DYNLRB1: variants seen among roughly 807,000 people sequenced by gnomAD.
DYNLRB1 encodes the protein ROBL/LC7-like 1.
Under a neutral mutation model 13.5 loss-of-function variants are expected in DYNLRB1, and 6 were observed. The ratio of observed to expected loss-of-function variants is 0.44; its 90% CI spans 0.24 to 0.88. DYNLRB1 has a LOEUF of 0.88. Ranked by LOEUF, DYNLRB1 falls within the 40% of genes least tolerant of loss-of-function variation. DYNLRB1 has a pLI of 0.21. For synonymous variants in DYNLRB1, 43 were observed against 45.0 expected (o/e 0.96, Z 0.18); for missense variants, 93 against 127.2 (o/e 0.73, Z 1.29).
intron 1 of DYNLRB1, among the ~76,000 whole-genome samples, chr20:34,525,865 C>CA (rs1980156731): frequency 6.6e-6 from 1 of 152,202 alleles, no homozygotes; most frequent in Non-Finnish European, 1.5e-5. Context: ...CCACAAATGA[C>CA]AAAGTGTTGT....
At chr20:34,534,591 T>TCCACA in intron 2 of DYNLRB1, 37 bp from the exon 3 acceptor site, 1 of 1,524,714 alleles carries the variant, frequency 6.6e-7, no homozygotes, top group Non-Finnish European at 8.8e-7. Context: ...CAGAAGGGGC[T>TCCACA]CCACATCCTC....
intron 3 of DYNLRB1, among the ~76,000 whole-genome samples, chr20:34,539,813 T>G (rs1419949790): frequency 6.6e-6 from 1 of 151,900 alleles, no homozygotes; most frequent in African/African-American, 2.4e-5. Context: ...AAAAAACTTT[T>G]TAAAAATTTA....
chr20:34,516,196 G>T (rs1368968507), upstream of DYNLRB1, among the ~76,000 whole-genome samples: 1 of 152,240 alleles, frequency 6.6e-6, no homozygotes, highest in East Asian at 1.9e-4. Flanking sequence ...CGTCCAGCCA[G>T]AACCAGCATC....
chr20:34,519,403 G>A (rs1051971833), intron 1 of DYNLRB1, among the ~76,000 whole-genome samples: 2 of 152,128 alleles, frequency 1.3e-5, no homozygotes, highest in African/African-American at 4.8e-5. Flanking sequence ...ATTTGTATAT[G>A]TTAACTTTAC....
chr20:34,519,561 T>C (rs1979545515), intron 1 of DYNLRB1, among the ~76,000 whole-genome samples: 1 of 152,220 alleles, frequency 6.6e-6, no homozygotes, highest in African/African-American at 2.4e-5. Context: ...TATCTTATTC[T>C]GCAACTTGTT....
At chr20:34,532,506 G>T (rs1980787643) in intron 2 of DYNLRB1, among the ~76,000 whole-genome samples, 1 of 152,240 alleles carries the variant, frequency 6.6e-6, no homozygotes, top group Non-Finnish European at 1.5e-5. Context: ...GTTTTCTTAG[G>T]CCCCCAGGAA....
intron 3 of DYNLRB1, among the ~76,000 whole-genome samples, chr20:34,537,220 C>T (rs1981218482): frequency 6.6e-6 from 1 of 152,208 alleles, no homozygotes; most frequent in African/African-American, 2.4e-5. Flanking sequence ...CTGTCTCTCT[C>T]CCACACACAT....
intron 1 of DYNLRB1, 158 bp downstream of exon 1, chr20:34,516,619 C>G: frequency 2.0e-6 from 3 of 1,499,308 alleles, no homozygotes; most frequent in Non-Finnish European, 2.7e-6. Flanking sequence ...AGGGTGGAAC[C>G]CGGCGGCGGA....
Position 34,517,327 on chromosome 20 carries a change from T to A in DYNLRB1, c.3+866T>A, listed in dbSNP as rs906804535. On this transcript the variant is annotated intron_variant, in intron 1 of 3. Coordinates refer to ENST00000357156, the MANE Select transcript of DYNLRB1 (RefSeq NM_014183.4). ...GTAGTCATATGACTTCTAGTCTTTTTTGCTTGTTTTTGGTTTATACAGTTT... is the reference window on the plus strand; with the variant it reads ...GTAGTCATATGACTTCTAGTCTTTTATGCTTGTTTTTGGTTTATACAGTTT... 4.6e-4 allele frequency among the ~76,000 whole-genome samples: 70 copies of A among 152,330 alleles called. 1 individual carries two copies. The highest frequency in any genetic ancestry group is 1.7e-3 in the African/African-American group (70 of 41,576).
At chr20:34,534,996 G>A (rs1981029882) in intron 3 of DYNLRB1, 1 of 1,424,488 alleles carries the variant, frequency 7.0e-7, no homozygotes, top group African/African-American at 1.4e-5. Flanking sequence ...CGGCCCCAGA[G>A]GGTAACCCCA....
chr20:34,540,022 C>T, intron 3 of DYNLRB1, among the ~76,000 whole-genome samples: 1 of 152,102 alleles, frequency 6.6e-6, no homozygotes, highest in East Asian at 1.9e-4. Context: ...TACCCAAGTC[C>T]AGTGAAGTAT....
At position 34,516,447 on chromosome 20, in the gene DYNLRB1, G is replaced by T. The variant is rs766723584; in HGVS notation, c.-12G>T. Reference sequence around the variant, plus strand: ...AAGTGTTCGCTACGCGGGGCTACCGGATCGGTCGGAAATGGTGAGCGTGCG... The same window carrying T: ...AAGTGTTCGCTACGCGGGGCTACCGTATCGGTCGGAAATGGTGAGCGTGCG... On this transcript the variant is annotated 5_prime_UTR_variant, in exon 1 of 4. Coordinates refer to ENST00000357156, the MANE Select transcript of DYNLRB1 (RefSeq NM_014183.4). The T allele has an allele frequency of 6.2e-7, 1 of 1,611,128 alleles. No homozygotes were observed. The highest frequency in any genetic ancestry group is 1.7e-5 in the Admixed American group (1 of 59,890).
intron 1 of DYNLRB1, 115 bp from the exon 2 acceptor site, chr20:34,526,152 GC>G (rs1980186940): frequency 9.1e-7 from 1 of 1,102,712 alleles, no homozygotes; most frequent in Non-Finnish European, 1.4e-6. Context: ...TGTGCCAGGT[GC>G]CTGAGTATTA....
intron 1 of DYNLRB1, 54 bp from the exon 2 acceptor site, chr20:34,526,214 G>A (rs1980193460): frequency 2.5e-6 from 4 of 1,588,472 alleles, no homozygotes; most frequent in Non-Finnish European, 3.5e-6. Flanking sequence ...TGGGGTATGA[G>A]GAAGTTAATC....
intron 2 of DYNLRB1, among the ~76,000 whole-genome samples, chr20:34,532,496 G>A (rs930983692): frequency 1.3e-5 from 2 of 152,142 alleles, no homozygotes; most frequent in Non-Finnish European, 1.5e-5. Context: ...GCCCAGTCTT[G>A]TTTTCTTAGG....
chr20:34,526,157 A>T, intron 1 of DYNLRB1, 111 bp from the exon 2 acceptor site: 1 of 1,170,644 alleles, frequency 8.5e-7, no homozygotes, highest in Non-Finnish European at 1.3e-6. Context: ...CAGGTGCCTG[A>T]GTATTACTTG....
intron 1 of DYNLRB1, among the ~76,000 whole-genome samples, chr20:34,520,106 G>A (rs552014735): frequency 1.3e-5 from 2 of 152,146 alleles, no homozygotes; most frequent in Non-Finnish European, 2.9e-5. Flanking sequence ...TCCAGCCTGG[G>A]CAACAGAGCA....
intron 1 of DYNLRB1, among the ~76,000 whole-genome samples, chr20:34,518,665 G>A (rs1045577956): frequency 5.3e-5 from 8 of 151,756 alleles, no homozygotes; most frequent in Non-Finnish European, 8.8e-5. Context: ...TGTTGCCCAG[G>A]CTGGTCTTGA....
chr20:34,523,659 C>T (rs1191454920), intron 1 of DYNLRB1, among the ~76,000 whole-genome samples: 1 of 152,214 alleles, frequency 6.6e-6, no homozygotes, highest in Non-Finnish European at 1.5e-5. Context: ...ATGTATTTCA[C>T]ATTCCCATCA....
Sources: allele counts gnomAD v4.1 joint callset (sites outside exome capture counted in the v4.1 genomes callset), GRCh38; gene constraint gnomAD v4.1.1; transcripts MANE v1.5; gene names NCBI Gene and HGNC (gene_info 2026-07-23, HGNC 2026-07-21).